The following B4GALNT3 variants were observed in gnomAD, a reference collection of about 807,000 sequenced individuals.
B4GALNT3 encodes the protein beta-1,4-N-acetylgalactosaminyltransferase 3.
B4GALNT3 carries 86 observed loss-of-function variants against 120.2 expected under a neutral mutation model. That is an observed-to-expected ratio of 0.72 (90% CI 0.60 to 0.86). The LOEUF is 0.86. Ranked by LOEUF, B4GALNT3 falls within the 40% of genes least tolerant of loss-of-function variation. B4GALNT3 has a pLI of 0.00. For synonymous variants in B4GALNT3, 518 were observed against 510.4 expected (o/e 1.01, Z -0.20); for missense variants, 1,167 against 1,298.9 (o/e 0.90, Z 1.56).
At chr12:542,573 A>T (rs1170529178) in intron 3 of B4GALNT3, among the ~76,000 whole-genome samples, 2 of 150,824 alleles carry the variant, frequency 1.3e-5, no homozygotes, top group East Asian at 4.0e-4. Context: ...ACATGGGGTG[A>T]TCCGAGGCCC....
chr12:466,869 CTT>C (rs913024015), intron 1 of B4GALNT3, among the ~76,000 whole-genome samples: 1 of 151,782 alleles, frequency 6.6e-6, no homozygotes, highest in African/African-American at 2.4e-5. Context: ...TGTGGTTCCT[CTT>C]TTTTTTCAAG....
chr12:501,558 G>C (rs986865102), intron 1 of B4GALNT3, among the ~76,000 whole-genome samples: 2 of 152,232 alleles, frequency 1.3e-5, no homozygotes, highest in South Asian at 4.2e-4. Context: ...TCCAGCCTGG[G>C]CAATAGAGTG....
chr12:546,328 G>GCT (rs1441062505), intron 6 of B4GALNT3, among the ~76,000 whole-genome samples: 1 of 151,760 alleles, frequency 6.6e-6, no homozygotes, highest in East Asian at 1.9e-4. Context: ...TCTGAGGCTG[G>GCT]GGAAGGACCA....
intron 1 of B4GALNT3, among the ~76,000 whole-genome samples, chr12:508,997 C>T (rs1361037460): frequency 6.6e-6 from 1 of 152,184 alleles, no homozygotes; most frequent in African/African-American, 2.4e-5. Flanking sequence ...GGGGAGGTGC[C>T]CCACTTAGGA....
At chr12:463,662 G>T (rs1946048160) in intron 1 of B4GALNT3, among the ~76,000 whole-genome samples, 1 of 152,228 alleles carries the variant, frequency 6.6e-6, no homozygotes, top group African/African-American at 2.4e-5. Context: ...CTTGAAATGG[G>T]GGCACAGCTC....
intron 1 of B4GALNT3, among the ~76,000 whole-genome samples, chr12:511,013 CTTT>C (rs762032000): frequency 3.4e-4 from 15 of 43,888 alleles, no homozygotes; most frequent in Admixed American, 9.9e-4. Flanking sequence ...TTTGCCTATT[CTTT>C]TTTTTTTTTT....
At position 561,474 on chromosome 12, in the gene B4GALNT3, A is replaced by T; in HGVS notation, c.*23A>T. 1 of 1,560,610 alleles carries T rather than the reference A, an allele frequency of 6.4e-7. No homozygotes were observed. The highest frequency in any genetic ancestry group is 1.1e-5 in the South Asian group (1 of 89,206). ...TAGCCGGAGGGTGTCCGCGGGGCCC[A>T]GCACTCCCCGCTCTGGACTAGCAGT... is the stretch of plus-strand genomic sequence containing the variant. On this transcript the variant is annotated 3_prime_UTR_variant, in exon 20 of 20. Transcript: ENST00000266383.
At chr12:511,502 A>ACCTTCCACCTTCCC (rs1946559738) in intron 1 of B4GALNT3, among the ~76,000 whole-genome samples, 1 of 54,636 alleles carries the variant, frequency 1.8e-5, no homozygotes, top group African/African-American at 6.5e-5. Context: ...TCCACCTTCC[A>ACCTTCCACCTTCCC]CCTTCCACCT....
intron 1 of B4GALNT3, among the ~76,000 whole-genome samples, chr12:508,002 T>A: frequency 6.6e-6 from 1 of 151,814 alleles, no homozygotes; most frequent in East Asian, 1.9e-4. Flanking sequence ...CTGTCAGGAG[T>A]GCTTGAGTAG....
At chr12:533,970 T>C (rs1946833437) in intron 1 of B4GALNT3, among the ~76,000 whole-genome samples, 1 of 152,244 alleles carries the variant, frequency 6.6e-6, no homozygotes, top group Non-Finnish European at 1.5e-5. Context: ...GTGTCTCTGC[T>C]GGTGCTCACG....
chr12:558,688 A>G (rs748743015), intron 18 of B4GALNT3, 27 bp downstream of exon 18: 1 of 1,609,732 alleles, frequency 6.2e-7, no homozygotes, highest in Non-Finnish European at 8.5e-7. Flanking sequence ...CTGGGGAGGG[A>G]GGAAAGACTT....
At chr12:469,570 C>T (rs1193204606) in intron 1 of B4GALNT3, among the ~76,000 whole-genome samples, 1 of 152,108 alleles carries the variant, frequency 6.6e-6, no homozygotes, top group African/African-American at 2.4e-5. Flanking sequence ...TTTTTTCCTC[C>T]ATGATGTTCA....
chr12:467,100 A>T (rs1156840685), intron 1 of B4GALNT3, among the ~76,000 whole-genome samples: 3 of 151,966 alleles, frequency 2.0e-5, no homozygotes, highest in African/African-American at 7.2e-5. Flanking sequence ...GCAATTTTTT[A>T]AATTAAATTA....
intron 12 of B4GALNT3, 66 bp downstream of exon 12, chr12:552,229 G>A (rs1282393049): frequency 1.2e-5 from 17 of 1,414,014 alleles, no homozygotes; most frequent in Non-Finnish European, 1.7e-5. Context: ...CAGGAGAGCT[G>A]CCTGGACCAG....
chr12:549,675 G>T (rs1565609466), intron 9 of B4GALNT3, 94 bp from the exon 10 acceptor site: 3 of 1,501,678 alleles, frequency 2.0e-6, no homozygotes, highest in East Asian at 4.5e-5. Flanking sequence ...GGAGTCAGGA[G>T]CCCCTTCTGC....
chr12:558,025 C>G lies in B4GALNT3; in HGVS notation c.2544C>G (p.Tyr848Ter). ...TCTCCCCTTCCTGCAGCTACCAGTACGTGAAGCTAAGTGGAAACTTTGAAC... is the reference window on the plus strand; with the variant it reads ...TCTCCCCTTCCTGCAGCTACCAGTAGGTGAAGCTAAGTGGAAACTTTGAAC... ...LKRSKLRSYQ[Y>*]VKLSGNFERS... The change falls in exon 17 of 20, where the codon TAC (tyrosine) becomes TAG (stop). Residue 848 changes from tyrosine (Y) to a stop codon, truncating the protein, a stop_gained. Transcript: ENST00000266383. LOFTEE classifies it high-confidence loss of function. 6.2e-6 allele frequency: 10 copies of G among 1,614,012 alleles called. No homozygotes were observed. Among genetic ancestry groups the G allele is most frequent in the Non-Finnish European group, 7.6e-6 (9 of 1,180,024 alleles).
intron 1 of B4GALNT3, among the ~76,000 whole-genome samples, chr12:474,046 A>G (rs1565588053): frequency 6.6e-6 from 1 of 152,048 alleles, no homozygotes; most frequent in Non-Finnish European, 1.5e-5. Flanking sequence ...AGCTGGGTAG[A>G]AGAGGAAAAA....
intron 1 of B4GALNT3, among the ~76,000 whole-genome samples, chr12:478,815 C>A (rs10047648): frequency 8.5e-5 from 13 of 152,182 alleles, no homozygotes; most frequent in Non-Finnish European, 8.8e-5. Flanking sequence ...TACATAGAAC[C>A]TTTCTCCTGG....
chr12:544,852 T>C (rs1592051410), intron 4 of B4GALNT3, 30 bp from the exon 5 acceptor site: 2 of 1,605,480 alleles, frequency 1.2e-6, no homozygotes, highest in Non-Finnish European at 1.7e-6. Context: ...CTCTTCTGGG[T>C]AACTGTTTCC....
Sources: allele counts gnomAD v4.1 joint callset (sites outside exome capture counted in the v4.1 genomes callset), GRCh38; gene constraint gnomAD v4.1.1; transcripts MANE v1.5; gene names NCBI Gene and HGNC (gene_info 2026-07-23, HGNC 2026-07-21).